The following CCDC83 variants were observed in gnomAD, a reference collection of about 807,000 sequenced individuals.
CCDC83 encodes the protein coiled-coil domain-containing protein 83.
Under a neutral mutation model 50.1 loss-of-function variants are expected in CCDC83, and 54 were observed. The ratio of observed to expected loss-of-function variants is 1.08; its 90% confidence interval spans 0.87 to 1.35. The LOEUF is 1.35. Ranked by LOEUF, CCDC83 falls within the 40% of genes most tolerant of loss-of-function variation. The probability of loss-of-function intolerance (pLI) is 0.00; values close to 1 mark genes in which losing one functional copy is unlikely to be tolerated. For synonymous variants in CCDC83, 161 were observed against 153.3 expected (o/e 1.05, Z -0.37); for missense variants, 518 against 473.9 (o/e 1.09, Z -0.86).
At chr11:85,885,469 G>A (rs985979103) in intron 4 of CCDC83, among the ~76,000 whole-genome samples, 2 of 152,196 alleles carry the variant, frequency 1.3e-5, no homozygotes, top group African/African-American at 4.8e-5. Flanking sequence ...CAGCCATTAA[G>A]TTTGTTGTAC....
chr11:85,890,995 G>T (rs2135064214), intron 5 of CCDC83, among the ~76,000 whole-genome samples: 1 of 152,154 alleles, frequency 6.6e-6, no homozygotes, highest in South Asian at 2.1e-4. Context: ...ATGCTTGTTG[G>T]GTGTAACACA....
At position 85,865,190 on chromosome 11, in the gene CCDC83, C is replaced by A; in HGVS notation, c.67C>A (p.Pro23Thr). ...HDGPPKEIKL[P>T]TSEALLDYQC... ...CGGGCCACCAAAAGAAATTAAACTG[C>A]CTACCAGTGAAGCACTTCTAGACTA... is the stretch of plus-strand genomic sequence containing the variant. Residue 23 changes from proline (P) to threonine (T), a missense_variant, in exon 2 of 11, where the codon CCT becomes ACT. Transcript: ENST00000342404. 1 of 1,609,620 alleles carries A rather than the reference C, an allele frequency of 6.2e-7. No homozygotes were observed. Among genetic ancestry groups the A allele is most frequent in the Non-Finnish European group, 8.5e-7 (1 of 1,176,104 alleles).
intron 2 of CCDC83, among the ~76,000 whole-genome samples, chr11:85,866,891 C>G (rs1363028207): frequency 6.6e-6 from 1 of 152,062 alleles, no homozygotes; most frequent in Non-Finnish European, 1.5e-5. Context: ...AAGAGCTTAT[C>G]ACAGGCCAGA....
At chr11:85,909,088 T>A (rs2093440289) in intron 7 of CCDC83, among the ~76,000 whole-genome samples, 1 of 152,182 alleles carries the variant, frequency 6.6e-6, no homozygotes, top group African/African-American at 2.4e-5. Context: ...TGCACACCAC[T>A]ACGCCCAGCT....
intron 3 of CCDC83, among the ~76,000 whole-genome samples, chr11:85,880,714 C>T (rs1242633199): frequency 1.3e-5 from 2 of 151,706 alleles, no homozygotes; most frequent in South Asian, 2.1e-4. Context: ...AAATAATGTG[C>T]CACTTCCTAT....
rs1327784008 is a variant in CCDC83, at chr11:85,882,686, A to G, written c.343+11A>G. The G allele has an allele frequency of 1.2e-6, 2 of 1,611,140 alleles. No individual in the cohort carries two copies. Among genetic ancestry groups the G allele is most frequent in the African/African-American group, 1.3e-5 (1 of 74,698 alleles). ...AAAAAAACTTGAGAGGTGATTTAGGAACATAGAAAACTATCATAGAGTTGT... is the reference window on the plus strand; with the variant it reads ...AAAAAAACTTGAGAGGTGATTTAGGGACATAGAAAACTATCATAGAGTTGT... On this transcript the variant is annotated intron_variant, in intron 4 of 10. Transcript: ENST00000342404.
chr11:85,903,122 A>T (rs2093409647), intron 7 of CCDC83, among the ~76,000 whole-genome samples: 1 of 151,868 alleles, frequency 6.6e-6, no homozygotes, highest in East Asian at 2.0e-4. Context: ...AATCCCAGCT[A>T]CATAGGAGGC....
At chr11:85,894,452 G>C (rs2093363586) in intron 5 of CCDC83, among the ~76,000 whole-genome samples, 1 of 152,148 alleles carries the variant, frequency 6.6e-6, no homozygotes, top group African/African-American at 2.4e-5. Flanking sequence ...TAACTCGTTT[G>C]GAGTAGTACA....
chr11:85,878,695 C>T (rs1461350684), intron 3 of CCDC83, among the ~76,000 whole-genome samples: 2 of 152,106 alleles, frequency 1.3e-5, no homozygotes, highest in African/African-American at 4.8e-5. Context: ...AATAAATGCC[C>T]AGGAGTTCAA....
At chr11:85,910,275 C>T (rs955991917) in intron 7 of CCDC83, among the ~76,000 whole-genome samples, 3 of 152,232 alleles carry the variant, frequency 2.0e-5, no homozygotes, top group Admixed American at 6.5e-5. Context: ...ATCTTTCCCA[C>T]TAGGGTACAA....
intron 5 of CCDC83, among the ~76,000 whole-genome samples, chr11:85,890,607 T>C (rs752380653): frequency 3.3e-5 from 5 of 152,140 alleles, no homozygotes; most frequent in African/African-American, 4.8e-5. Flanking sequence ...CATGAGACAA[T>C]GTGTCAGCCT....
chr11:85,856,828 G>A (rs1461023167), intron 1 of CCDC83, among the ~76,000 whole-genome samples: 4 of 152,014 alleles, frequency 2.6e-5, no homozygotes, highest in East Asian at 3.8e-4. Context: ...TATGAAAAGC[G>A]GTCTCAATTT....
chr11:85,915,161 A>T (rs866640021), intron 8 of CCDC83, among the ~76,000 whole-genome samples: 2 of 152,300 alleles, frequency 1.3e-5, no homozygotes, highest in Middle Eastern at 3.4e-3. Context: ...CCTTCCCCCT[A>T]AAGCTGACTC....
chr11:85,896,210 T>C (rs1339950558), intron 6 of CCDC83, among the ~76,000 whole-genome samples: 1 of 151,972 alleles, frequency 6.6e-6, no homozygotes, highest in Non-Finnish European at 1.5e-5. Context: ...GTGGATTGCT[T>C]GAACTCAGGA....
intron 1 of CCDC83, among the ~76,000 whole-genome samples, chr11:85,860,395 C>T (rs913419162): frequency 1.3e-5 from 2 of 151,388 alleles, no homozygotes; most frequent in African/African-American, 4.9e-5. Flanking sequence ...TGAAAAAATG[C>T]TCATCATCAC....
At chr11:85,886,721 T>A (rs1442610887) in intron 5 of CCDC83, among the ~76,000 whole-genome samples, 1 of 152,136 alleles carries the variant, frequency 6.6e-6, no homozygotes, top group Non-Finnish European at 1.5e-5. Flanking sequence ...GAGACCAGCC[T>A]GGGCAACACA....
Position 85,873,566 on chromosome 11 carries a change from G to A in CCDC83, c.180+271G>A, listed in dbSNP as rs146744433. On this transcript the variant is annotated intron_variant, in intron 3 of 10. Coordinates refer to ENST00000342404, the MANE Select transcript of CCDC83 (RefSeq NM_001286159.2). ...TGAATCTTAACTTCAAAATTTTAAA[G>A]TTTTGAAACCACATTTATCTTTTGA... is the stretch of plus-strand genomic sequence containing the variant. Among the ~76,000 whole-genome samples the A allele has an allele frequency of 7.6e-4, 115 of 152,200 alleles. 1 individual carries two copies. The East Asian group carries it at 0.018, about 24-fold the overall frequency.
intron 3 of CCDC83, among the ~76,000 whole-genome samples, chr11:85,879,376 T>C (rs530381264): frequency 8.0e-4 from 122 of 152,328 alleles, no homozygotes; most frequent in Non-Finnish European, 1.4e-3. Context: ...GCGTCTGCAC[T>C]ATTAGTTGAT....
chr11:85,859,108 TA>T (rs141758826), intron 1 of CCDC83, among the ~76,000 whole-genome samples: 9 of 123,284 alleles, frequency 7.3e-5, no homozygotes, highest in Admixed American at 2.7e-4. Flanking sequence ...ATGTTTATGT[TA>T]AAAAAAAATA....
Sources: gnomAD v4.1 joint callset for allele counts (sites outside exome capture counted in the v4.1 genomes callset) on GRCh38, gnomAD v4.1.1 for gene constraint, MANE v1.5 for transcripts, NCBI Gene and HGNC (gene_info 2026-07-23, HGNC 2026-07-21) for gene names.